Variants in CPA3 observed in about 807,000 individuals in gnomAD.
CPA3 encodes the protein carboxypeptidase A3.
In CPA3, 52 loss-of-function variants were observed where a neutral mutation model predicts 55.8. That is an observed-to-expected ratio of 0.93 (90% CI 0.75 to 1.17). The LOEUF (loss-of-function observed/expected upper bound fraction) is 1.17. Ranked by LOEUF, CPA3 falls within the 50% of genes most tolerant of loss-of-function variation. The probability of loss-of-function intolerance (pLI) is 0.00; values close to 1 mark genes in which losing one functional copy is unlikely to be tolerated. For synonymous variants in CPA3, 179 were observed against 171.2 expected (o/e 1.05, Z -0.36); for missense variants, 547 against 509.1 (o/e 1.07, Z -0.72).
intron 3 of CPA3, 125 bp downstream of exon 3, chr3:148,869,164 A>G: frequency 9.3e-7 from 1 of 1,079,922 alleles, no homozygotes; most frequent in South Asian, 1.6e-5. Flanking sequence ...TCTTTCTGTA[A>G]GATACAGATC....
At chr3:148,889,933 GC>G (rs1004893637) in intron 10 of CPA3, among the ~76,000 whole-genome samples, 1 of 148,472 alleles carries the variant, frequency 6.7e-6, no homozygotes, top group African/African-American at 2.5e-5. Context: ...TATACCCCCA[GC>G]CCCCAGAGAT....
intron 6 of CPA3, among the ~76,000 whole-genome samples, chr3:148,881,182 GAGA>G (rs1373223633): frequency 3.3e-5 from 5 of 152,074 alleles, no homozygotes; most frequent in African/African-American, 1.2e-4. Context: ...AAAGATGTGA[GAGA>G]ATCAATTAAA....
intron 10 of CPA3, among the ~76,000 whole-genome samples, chr3:148,889,140 TGATAAAC>T (rs1714605528): frequency 6.6e-6 from 1 of 152,234 alleles, no homozygotes; most frequent in South Asian, 2.1e-4. Context: ...TGCAGCAGCT[TGATAAAC>T]GATCAAGATT....
At chr3:148,884,800 G>A (rs996965892) in intron 9 of CPA3, among the ~76,000 whole-genome samples, 1 of 150,716 alleles carries the variant, frequency 6.6e-6, no homozygotes, top group African/African-American at 2.4e-5. Flanking sequence ...GCATACCAAT[G>A]TACAGCACTG....
Position 148,866,448 on chromosome 3 carries a change from T to A in CPA3, c.144+900T>A, listed in dbSNP as rs150756196. On this transcript the variant is annotated intron_variant, in intron 2 of 10. Transcript: ENST00000296046. ...TAGTCTTGACTCCCACAAAGCCAAC[T>A]CTGCATTGCAACCTGATTGCTCACT... is the stretch of plus-strand genomic sequence containing the variant. Among the ~76,000 whole-genome samples, 157 of 152,352 alleles carry A rather than the reference T, an allele frequency of 1.0e-3. 1 individual carries two copies. The highest frequency in any genetic ancestry group is 0.01 in the Middle Eastern group (3 of 294).
intron 10 of CPA3, among the ~76,000 whole-genome samples, chr3:148,889,208 T>C (rs573316043): frequency 1.3e-5 from 2 of 152,298 alleles, no homozygotes; most frequent in East Asian, 1.9e-4. Context: ...TAATCAAACA[T>C]GCATGAGAAA....
At chr3:148,877,350 C>T (rs1322236428) in intron 3 of CPA3, among the ~76,000 whole-genome samples, 1 of 152,132 alleles carries the variant, frequency 6.6e-6, no homozygotes, top group African/African-American at 2.4e-5. Flanking sequence ...ACAAAATTAG[C>T]TGGCGTAGTG....
intron 3 of CPA3, among the ~76,000 whole-genome samples, chr3:148,874,122 C>T (rs1345408293): frequency 6.6e-6 from 1 of 152,184 alleles, no homozygotes; most frequent in Non-Finnish European, 1.5e-5. Flanking sequence ...CTATCAGCAA[C>T]AATCTGGCAC....
At chr3:148,881,157 A>G (rs1331192973) in intron 6 of CPA3, among the ~76,000 whole-genome samples, 2 of 151,686 alleles carry the variant, frequency 1.3e-5, no homozygotes, top group African/African-American at 4.8e-5. Context: ...TACAGACTCT[A>G]TCTATATTTA....
intron 3 of CPA3, among the ~76,000 whole-genome samples, chr3:148,869,386 G>C (rs1007140843): frequency 6.6e-6 from 1 of 151,892 alleles, no homozygotes; most frequent in Non-Finnish European, 1.5e-5. Flanking sequence ...ACAGGTAATC[G>C]GCCCAGATCT....
rs574104577 is a variant in CPA3, at chr3:148,879,264, C to T, written c.474+516C>T. Among the ~76,000 whole-genome samples the T allele has an allele frequency of 1.1e-4, 17 of 152,218 alleles. No homozygotes were observed. The East Asian group carries it at 3.1e-3, about 28-fold the overall frequency. ...CCACTTAACAAGTGAGAAGCCCATC[C>T]ACATCCCAAACCCCCATTCATTCAT... On this transcript the variant is annotated intron_variant, in intron 5 of 10. Transcript: ENST00000296046.
intron 3 of CPA3, among the ~76,000 whole-genome samples, chr3:148,876,535 C>T (rs1207988291): frequency 6.6e-6 from 1 of 152,038 alleles, no homozygotes; most frequent in East Asian, 1.9e-4. Context: ...CACTACCACA[C>T]CTGGCTAACT....
At chr3:148,891,985 AGTCTCTATATTTCAGCTCAC>A (rs545592530) in intron 10 of CPA3, among the ~76,000 whole-genome samples, 62 of 152,352 alleles carry the variant, frequency 4.1e-4, no homozygotes, top group African/African-American at 1.4e-3. Flanking sequence ...CACTGAAGCC[AGTCTCTATATTTCAGCTCAC>A]GTGCTCCATA....
intron 10 of CPA3, among the ~76,000 whole-genome samples, chr3:148,895,861 T>C (rs1408894869): frequency 1.9e-5 from 1 of 53,256 alleles, no homozygotes; most frequent in African/African-American, 3.5e-5. Context: ...AATGCAATTA[T>C]GATATGTATA....
chr3:148,866,759 T>G (rs1172172871), intron 2 of CPA3, among the ~76,000 whole-genome samples: 1 of 152,056 alleles, frequency 6.6e-6, no homozygotes, highest in Non-Finnish European at 1.5e-5. Context: ...GAAGCGTTTT[T>G]TGTTTGTTAT....
Position 148,868,899 on chromosome 3 carries a change from G to T in CPA3, c.145-16G>T. ...AAGCAAATAAACTCTGACTAACATT[G>T]AGCTTATCTCTGCAGCTTGACTTCT... On this transcript the variant is annotated splice_polypyrimidine_tract_variant and intron_variant, in intron 2 of 10. Coordinates refer to ENST00000296046, the MANE Select transcript of CPA3 (RefSeq NM_001870.4). The T allele has an allele frequency of 1.2e-6, 2 of 1,611,950 alleles. No homozygotes were observed. The highest frequency in any genetic ancestry group is 2.2e-5 in the East Asian group (1 of 44,866).
At chr3:148,883,525 A>G (rs1714430462) in intron 8 of CPA3, 88 bp from the exon 9 acceptor site, 1 of 1,096,360 alleles carries the variant, frequency 9.1e-7, no homozygotes, top group Non-Finnish European at 1.3e-6. Flanking sequence ...CATTTAAAAC[A>G]TTCTGTGAAT....
intron 10 of CPA3, among the ~76,000 whole-genome samples, chr3:148,889,703 C>G (rs556202733): frequency 6.6e-6 from 1 of 151,862 alleles, no homozygotes; most frequent in Non-Finnish European, 1.5e-5. Flanking sequence ...AACCCCATCT[C>G]TACTAAAAAT....
chr3:148,884,435 G>A (rs1383406679), intron 9 of CPA3, among the ~76,000 whole-genome samples: 1 of 152,054 alleles, frequency 6.6e-6, no homozygotes, highest in Non-Finnish European at 1.5e-5. Flanking sequence ...AGAGTGAATG[G>A]GTGCATAGAG....
Sources: gnomAD v4.1 joint callset for allele counts (sites outside exome capture counted in the v4.1 genomes callset) on GRCh38, gnomAD v4.1.1 for gene constraint, MANE v1.5 for transcripts, NCBI Gene and HGNC (gene_info 2026-07-23, HGNC 2026-07-21) for gene names.